Variants in OTOF observed in about 807,000 individuals in gnomAD.
OTOF encodes fer-1-like family member 2.
OTOF carries 218 observed loss-of-function variants against 236.8 expected under a neutral mutation model. That is an observed-to-expected ratio of 0.92 (90% CI 0.82 to 1.03). The LOEUF (loss-of-function observed/expected upper bound fraction) is 1.03, where lower values mean the gene tolerates loss of function less well. OTOF is among the 50% of genes least tolerant of loss of function. The pLI, the probability that OTOF is intolerant of heterozygous loss-of-function variation, is 0.00. For synonymous variants in OTOF, 1,041 were observed against 1,072.5 expected, an observed-to-expected ratio of 0.97 and a Z score of 0.57; for missense variants, 2,590 against 2,694.4, an observed-to-expected ratio of 0.96 and a Z score of 0.86.
At chr2:26,474,400 AC>A (rs1254074663) in intron 26 of OTOF, 112 bp downstream of exon 26, 6 of 78,116 alleles carry the variant, frequency 7.7e-5, no homozygotes, top group Non-Finnish European at 1.1e-4. Flanking sequence ...CCCAGGCCCC[AC>A]CCCCAGGCCC....
At chr2:26,507,234 C>T (rs1666272141) in intron 5 of OTOF, among the ~76,000 whole-genome samples, 1 of 152,188 alleles carries the variant, frequency 6.6e-6, no homozygotes. Flanking sequence ...GGCTCTGTAC[C>T]TCTGATTCTC....
intron 8 of OTOF, among the ~76,000 whole-genome samples, chr2:26,495,670 T>A (rs772737955): frequency 2.0e-5 from 3 of 152,038 alleles, no homozygotes; most frequent in Non-Finnish European, 4.4e-5. Flanking sequence ...AAGTGATCTG[T>A]CTGCCTCGGC....
At position 26,475,502 on chromosome 2, in the gene OTOF, T is replaced by C. The variant is rs1352721088; in HGVS notation, c.2992-9A>G. On this transcript the variant is annotated splice_polypyrimidine_tract_variant and intron_variant, in intron 24 of 46. Coordinates refer to ENST00000272371, the MANE Select transcript of OTOF (RefSeq NM_194248.3). The stretch of plus-strand genomic sequence containing the variant: ...AGGGTCTCATTCAGCACCTGCAGCA[T>C]GGGATGGGGAGACAGGGGACAAGTG... 1 of 1,610,840 alleles carries C rather than the reference T, an allele frequency of 6.2e-7. No individual in the cohort carries two copies. The highest frequency in any genetic ancestry group is 8.5e-7 in the Non-Finnish European group (1 of 1,179,062).
At chr2:26,532,555 G>A (rs1666975687) in intron 2 of OTOF, among the ~76,000 whole-genome samples, 1 of 152,236 alleles carries the variant, frequency 6.6e-6, no homozygotes, top group Non-Finnish European at 1.5e-5. Flanking sequence ...CAGTCCTGGG[G>A]ATGGTCCTGG....
intron 1 of OTOF, among the ~76,000 whole-genome samples, chr2:26,556,023 C>T (rs1667577377): frequency 6.6e-6 from 1 of 152,148 alleles, no homozygotes; most frequent in East Asian, 1.9e-4. Flanking sequence ...CACAATAGCC[C>T]AGGAGGGCTC....
At chr2:26,474,216 G>T in intron 26 of OTOF, 106 bp from the exon 27 acceptor site, 1 of 1,483,922 alleles carries the variant, frequency 6.7e-7, no homozygotes, top group South Asian at 1.2e-5. Context: ...ACCCCCTAAG[G>T]ACCACGCCCC....
chr2:26,493,366 C>G (rs780494367), intron 9 of OTOF, among the ~76,000 whole-genome samples: 1 of 152,182 alleles, frequency 6.6e-6, no homozygotes, highest in Non-Finnish European at 1.5e-5. Context: ...TCAGCCCTCA[C>G]CCACCTCAGG....
At chr2:26,535,775 G>C (rs866893772) in intron 2 of OTOF, among the ~76,000 whole-genome samples, 2 of 152,156 alleles carry the variant, frequency 1.3e-5, no homozygotes, top group Admixed American at 1.3e-4. Context: ...CTAGATGCTC[G>C]GAATGTGGCC....
chr2:26,461,563 C>A lies in OTOF; in HGVS notation c.5533+133G>T, dbSNP rs1015147903. 5 of 1,278,558 alleles carry A rather than the reference C, an allele frequency of 3.9e-6. No individual in the cohort carries two copies. The African/African-American group carries it at 7.3e-5, about 19-fold the overall frequency. The allele number at this position is 1,278,558 out of a possible 1,614,324, so 79.2% of individuals were successfully genotyped here. On this transcript the variant is annotated intron_variant, in intron 43 of 46. Coordinates refer to ENST00000272371, the MANE Select transcript of OTOF (RefSeq NM_194248.3). This position sits in a 1 kb window ranked among gnomAD's most constrained non-coding sequence, Gnocchi z 6.2. ...CTTGGGGGCGGAACCCCGTCGGACACCCCTGGCTCTGATGGACTGGAAGCA... is the reference window on the plus strand; with the variant it reads ...CTTGGGGGCGGAACCCCGTCGGACAACCCTGGCTCTGATGGACTGGAAGCA...
In OTOF at chr2:26,489,270, C is replaced by T. The variant is rs764248648; in HGVS notation, c.986G>A (p.Arg329His). Reference sequence around the variant, plus strand: ...GAAGGAGCCCACCAGGGTGCCACTGCGCAGCAGGTTCTTGGAGTGAATCAC... The same window carrying T: ...GAAGGAGCCCACCAGGGTGCCACTGTGCAGCAGGTTCTTGGAGTGAATCAC... ...ISVIHSKNLL[R>H]SGTLVGSFKM... The change falls in exon 11 of 47, where the codon CGC (arginine) becomes CAC (histidine). Residue 329 changes from arginine to histidine, a missense_variant. Physicochemically the swap from Arg to His is conservative, Grantham distance 29. This residue lies in a region of OTOF where 1,379 missense variants were observed against 1,341.6 expected (regional missense o/e 1.03). Coordinates refer to ENST00000272371, the MANE Select transcript of OTOF (RefSeq NM_194248.3). The T allele has an allele frequency of 2.9e-5, 47 of 1,612,822 alleles. No homozygotes were observed. The highest frequency in any genetic ancestry group is 1.8e-4 in the South Asian group (16 of 90,950).
intron 1 of OTOF, among the ~76,000 whole-genome samples, chr2:26,558,229 T>C (rs1311021674): frequency 6.6e-6 from 1 of 152,004 alleles, no homozygotes; most frequent in African/African-American, 2.4e-5. Context: ...GGCAGAGGGC[T>C]CTGTGCCCTG....
intron 2 of OTOF, among the ~76,000 whole-genome samples, chr2:26,537,065 A>G (rs576664290): frequency 6.6e-6 from 1 of 152,244 alleles, no homozygotes; most frequent in African/African-American, 2.4e-5. Context: ...TTTGCTGATA[A>G]AATTGTGACA....
Position 26,477,585 on chromosome 2 carries a change from G to C in OTOF, c.2315+64C>G. 1.2e-6 allele frequency: 2 copies of C among 1,603,018 alleles called. No individual in the cohort carries two copies. Among genetic ancestry groups the C allele is most frequent in the Non-Finnish European group, 1.7e-6 (2 of 1,173,528 alleles). ...GATTCTTCCTCATCTGCCCAGCCCT[G>C]GCAGGGTCCCCTTTGTCCAGTTCCG... On this transcript the variant is annotated intron_variant, in intron 19 of 46. Transcript: ENST00000272371. The surrounding 1 kb of genome is among the most constrained non-coding windows in gnomAD (Gnocchi z 4.7).
intron 1 of OTOF, 91 bp downstream of exon 1, chr2:26,558,402 T>A: frequency 1.7e-6 from 2 of 1,160,918 alleles, no homozygotes; most frequent in Non-Finnish European, 2.6e-6. Flanking sequence ...CCACCCATCC[T>A]CCCAGCCCTG....
chr2:26,473,406 C>G lies in OTOF; in HGVS notation c.3570G>C (p.Val1190=). ...NFNTLVKWFE[V]DLPENELLHP... ...GTCCTCCGCCAGGGCCTGCACTCAC[C>G]ACTTCAAACCACTTGACGAGGGTGT... Residue 1190 remains valine (V), a splice_region_variant and synonymous_variant, in exon 28 of 47, where the codon GTG becomes GTC. Coordinates refer to ENST00000272371, the MANE Select transcript of OTOF (RefSeq NM_194248.3). This position sits in a 1 kb window ranked among gnomAD's most constrained non-coding sequence, Gnocchi z 7.2. 1 of 1,613,420 alleles carries G rather than the reference C, an allele frequency of 6.2e-7. No individual in the cohort carries two copies. Among genetic ancestry groups the G allele is most frequent in the Non-Finnish European group, 8.5e-7 (1 of 1,180,000 alleles).
At chr2:26,544,911 C>T (rs968275172) in intron 1 of OTOF, among the ~76,000 whole-genome samples, 3 of 151,654 alleles carry the variant, frequency 2.0e-5, no homozygotes, top group Admixed American at 6.6e-5. Context: ...CGTGGTGGTG[C>T]GAACCTGTAG....
rs1482454123 is a variant in OTOF, at chr2:26,484,648, G to A, written c.1046-15C>T. 3 of 1,613,050 alleles carry A rather than the reference G, an allele frequency of 1.9e-6. No individual in the cohort carries two copies. Among genetic ancestry groups the A allele is most frequent in the East Asian group, 2.2e-5 (1 of 44,882 alleles). ...GAACTGGTGCTCTGCAATGATGAGG[G>A]GTGGGCACTGCACCAGACACCCCCA... On this transcript the variant is annotated splice_polypyrimidine_tract_variant and intron_variant, in intron 11 of 46. Transcript: ENST00000272371.
At chr2:26,489,113 A>T in intron 11 of OTOF, 98 bp downstream of exon 11, 1 of 878,738 alleles carries the variant, frequency 1.1e-6, no homozygotes. Context: ...GGTCCTTGCC[A>T]GCCTTTTCCC....
At chr2:26,485,536 G>A (rs369209613) in intron 11 of OTOF, among the ~76,000 whole-genome samples, 6 of 152,342 alleles carry the variant, frequency 3.9e-5, no homozygotes, top group East Asian at 3.9e-4. Flanking sequence ...GGAAGGAGGC[G>A]CTTTAGGAAG....
Sources: gnomAD v4.1 joint callset for allele counts (sites outside exome capture counted in the v4.1 genomes callset) on GRCh38, gnomAD v4.1.1 for gene constraint, gnomAD v4.1.1 regional missense constraint, Gnocchi (gnomAD v3.1) non-coding constraint, MANE v1.5 for transcripts, NCBI Gene and HGNC (gene_info 2026-07-23, HGNC 2026-07-21) for gene names.